Variants in SVOPL observed in about 807,000 individuals in gnomAD.
SVOPL encodes the protein SVOP like, also known as putative transporter SVOPL.
Under a neutral mutation model 61.0 loss-of-function variants are expected in SVOPL, and 60 were observed. The ratio of observed to expected loss-of-function variants is 0.98; its 90% CI spans 0.80 to 1.22. The LOEUF (loss-of-function observed/expected upper bound fraction) is 1.22. Ranked by LOEUF, SVOPL falls within the 50% of genes most tolerant of loss-of-function variation. The pLI, the probability that SVOPL is intolerant of heterozygous loss-of-function variation, is 0.00. For missense variants in SVOPL, 662 were observed against 643.9 expected (o/e 1.03, Z -0.30); for synonymous variants, 279 against 250.0 (o/e 1.12, Z -1.09).
Position 138,644,740 on chromosome 7 carries a change from C to T in SVOPL, c.766G>A (p.Gly256Arg), listed in dbSNP as rs758255667. The T allele has an allele frequency of 5.0e-6, 8 of 1,614,178 alleles. No individual in the cohort carries two copies. In the Admixed American group the frequency reaches 1.0e-4, roughly 20 times the overall value. Residue 256 changes from glycine to arginine, a missense_variant, in exon 9 of 16, where the codon GGG becomes AGG. Gly to Arg is a moderately radical substitution (Grantham distance 125). Coordinates refer to ENST00000674285, the MANE Select transcript of SVOPL (RefSeq NM_001139456.2). ...AKMNRSVMPE[G>R]KLVEPVLEKR... ...ACCAGGACGGGCTCCACCAGCTTCC[C>T]CTCCGGCATGACCGAGCGGTTCATC...
chr7:138,688,389 C>A (rs555991603), intron 1 of SVOPL, among the ~76,000 whole-genome samples: 10 of 152,026 alleles, frequency 6.6e-5, no homozygotes, highest in South Asian at 6.2e-4. Context: ...CCTGCCTCAG[C>A]CTCCCAAGTA....
At chr7:138,607,869 G>A (rs1798824930) in intron 14 of SVOPL, among the ~76,000 whole-genome samples, 1 of 152,096 alleles carries the variant, frequency 6.6e-6, no homozygotes, top group Non-Finnish European at 1.5e-5. Context: ...AAACTCAAGA[G>A]ACTCAAATGA....
intron 14 of SVOPL, among the ~76,000 whole-genome samples, chr7:138,617,255 T>C (rs897510665): frequency 6.6e-6 from 1 of 152,094 alleles, no homozygotes; most frequent in Non-Finnish European, 1.5e-5. Flanking sequence ...CAGGTGTGAG[T>C]TACTGTGCCC....
intron 14 of SVOPL, among the ~76,000 whole-genome samples, chr7:138,599,906 GA>G (rs942122285): frequency 1.4e-5 from 2 of 146,170 alleles, no homozygotes; most frequent in African/African-American, 5.0e-5. Flanking sequence ...AAAAAAAAAG[GA>G]AAAAAAATCA....
intron 4 of SVOPL, among the ~76,000 whole-genome samples, chr7:138,666,993 C>T (rs1417426502): frequency 6.6e-6 from 1 of 152,136 alleles, no homozygotes; most frequent in Non-Finnish European, 1.5e-5. Flanking sequence ...TAAAACTGTC[C>T]TTTCTATTAT....
chr7:138,662,591 G>A, intron 5 of SVOPL: 1 of 987,268 alleles, frequency 1.0e-6, no homozygotes. Flanking sequence ...AAGGGCTAAG[G>A]GGCCTTTTCC....
intron 9 of SVOPL, among the ~76,000 whole-genome samples, chr7:138,632,760 AG>A (rs1258901104): frequency 6.6e-6 from 1 of 151,854 alleles, no homozygotes; most frequent in African/African-American, 2.4e-5. Flanking sequence ...AGGAGGAAAG[AG>A]GAGAGAGAGC....
At chr7:138,696,876 T>C (rs1803075519) in intron 1 of SVOPL, among the ~76,000 whole-genome samples, 1 of 152,136 alleles carries the variant, frequency 6.6e-6, no homozygotes, top group African/African-American at 2.4e-5. Flanking sequence ...AGCCAAGGCC[T>C]GTGTTTTTGT....
At chr7:138,685,477 A>T (rs571167138) in intron 1 of SVOPL, among the ~76,000 whole-genome samples, 1 of 152,286 alleles carries the variant, frequency 6.6e-6, no homozygotes, top group African/African-American at 2.4e-5. Flanking sequence ...AAGGCACAAA[A>T]TTTTGGCTAT....
chr7:138,683,741 G>A (rs1022217260), intron 1 of SVOPL, among the ~76,000 whole-genome samples: 1 of 151,966 alleles, frequency 6.6e-6, no homozygotes, highest in Non-Finnish European at 1.5e-5. Flanking sequence ...CTCACAAAGG[G>A]TTAATATCCA....
chr7:138,616,423 G>A (rs1400418518), intron 14 of SVOPL, among the ~76,000 whole-genome samples: 7 of 150,928 alleles, frequency 4.6e-5, no homozygotes, highest in African/African-American at 1.5e-4. Flanking sequence ...CACAAACTCC[G>A]CCTCCCAGGT....
intron 9 of SVOPL, among the ~76,000 whole-genome samples, chr7:138,639,914 GT>G (rs71179710): frequency 0.75 from 110,435 of 148,048 alleles, 41,377 homozygotes; most frequent in Middle Eastern, 0.85. Flanking sequence ...CACTATGCCT[GT>G]TTTTTTTTTT....
chr7:138,642,283 T>C (rs1179635212), intron 9 of SVOPL, among the ~76,000 whole-genome samples: 1 of 54,396 alleles, frequency 1.8e-5, no homozygotes. Context: ...AAACGGAAAT[T>C]AGCCAAAAAA....
At chr7:138,686,331 G>T (rs187191068) in intron 1 of SVOPL, among the ~76,000 whole-genome samples, 11 of 151,294 alleles carry the variant, frequency 7.3e-5, no homozygotes, top group East Asian at 2.0e-4. Flanking sequence ...TGAACCCCGG[G>T]GGGGGCGGAG....
intron 13 of SVOPL, among the ~76,000 whole-genome samples, chr7:138,622,146 C>CTATGTATG (rs1563096389): frequency 1.3e-5 from 1 of 76,170 alleles, no homozygotes; most frequent in Non-Finnish European, 3.0e-5. Flanking sequence ...ATGTATCTAT[C>CTATGTATG]TATGTATCTA....
chr7:138,635,624 G>A (rs1800434010), intron 9 of SVOPL, among the ~76,000 whole-genome samples: 1 of 152,122 alleles, frequency 6.6e-6, no homozygotes, highest in Non-Finnish European at 1.5e-5. Context: ...AGAAAGGTAA[G>A]GAGCTGGGAT....
chr7:138,657,025 A>T (rs115852369), intron 6 of SVOPL, among the ~76,000 whole-genome samples: 1,775 of 150,674 alleles, frequency 0.012, 36 homozygotes, highest in African/African-American at 0.042. Context: ...AACAAGAGCG[A>T]AACTCCATGT....
intron 4 of SVOPL, among the ~76,000 whole-genome samples, chr7:138,667,919 C>G (rs1266146410): frequency 6.6e-6 from 1 of 152,178 alleles, no homozygotes; most frequent in Non-Finnish European, 1.5e-5. Flanking sequence ...CAAAACCAAC[C>G]TCCTTCTTGG....
chr7:138,647,847 CAAAAAAA>C (rs33996391), intron 8 of SVOPL, among the ~76,000 whole-genome samples: 7 of 102,722 alleles, frequency 6.8e-5, no homozygotes, highest in South Asian at 6.6e-4. Flanking sequence ...GACTCCGTTT[CAAAAAAA>C]AAAAAAAAAA....
Sources: allele counts gnomAD v4.1 joint callset (sites outside exome capture counted in the v4.1 genomes callset), GRCh38; gene constraint gnomAD v4.1.1; transcripts MANE v1.5; gene names NCBI Gene and HGNC (gene_info 2026-07-23, HGNC 2026-07-21).